MAP3K14: variants seen among roughly 807,000 people sequenced by gnomAD.
MAP3K14 encodes the protein mitogen-activated protein kinase kinase kinase 14.
In MAP3K14, 16 loss-of-function variants were observed where a neutral mutation model predicts 99.2. That is an observed-to-expected ratio of 0.16 (90% confidence interval 0.11 to 0.24). The LOEUF (loss-of-function observed/expected upper bound fraction) is 0.24. Among genes scored for constraint, MAP3K14 ranks in the 10% least tolerant of loss-of-function variants. The pLI is 1.00. For missense variants in MAP3K14, 784 were observed against 1,208.7 expected (o/e 0.65, Z 5.21); for synonymous variants, 462 against 492.4 (o/e 0.94, Z 0.82).
At position 45,286,416 on chromosome 17, in the gene MAP3K14, CG is replaced by C; in HGVS notation, c.1152+14del. The C allele has an allele frequency of 1.3e-6, 2 of 1,571,422 alleles. No individual in the cohort carries two copies. The highest frequency in any genetic ancestry group is 1.7e-6 in the Non-Finnish European group (2 of 1,155,274). Reference sequence around the variant, plus strand: ...CTGGTAGAGGGACATATACAGGTGCCGGGGGATTAGTTACCTCAGTGAGCAG... The same window carrying C: ...CTGGTAGAGGGACATATACAGGTGCCGGGGATTAGTTACCTCAGTGAGCAG... On this transcript the variant is annotated intron_variant, in intron 5 of 15. Coordinates refer to ENST00000344686, the MANE Select transcript of MAP3K14 (RefSeq NM_003954.5). This position sits in a 1 kb window ranked among gnomAD's most constrained non-coding sequence, Gnocchi z 4.1.
rs1299574252 is a variant in MAP3K14, at chr17:45,272,757, T to C, written c.1657+746A>G. 1.3e-5 allele frequency among the ~76,000 whole-genome samples: 2 copies of C among 152,142 alleles called. No homozygotes were observed. The highest frequency in any genetic ancestry group is 2.9e-5 in the Non-Finnish European group (2 of 68,030). Reference sequence around the variant, plus strand: ...GAGTTTGAGACTGGCCTGGCCAATATGGCAAAACCCCGTCCCTACTAAAAA... The same window carrying C: ...GAGTTTGAGACTGGCCTGGCCAATACGGCAAAACCCCGTCCCTACTAAAAA... On this transcript the variant is annotated intron_variant, in intron 9 of 15. Coordinates refer to ENST00000344686, the MANE Select transcript of MAP3K14 (RefSeq NM_003954.5). The surrounding 1 kb of genome is among the most constrained non-coding windows in gnomAD (Gnocchi z 4.1).
In MAP3K14 at chr17:45,286,623, G is replaced by A. The variant is rs374541871; in HGVS notation, c.960C>T (p.Pro320=). ...PKPLPGPHLE[P]SCLSRGAHEK... is the part of the protein sequence containing the mutation. ...CATGGGCACCACGAGACAGGCAGCT[G>A]GGCTCCAGGTGTGGGCCAGGCAGGG... Residue 320 remains proline (P), a synonymous_variant, in exon 5 of 16, where the codon CCC becomes CCT. Coordinates refer to ENST00000344686, the MANE Select transcript of MAP3K14 (RefSeq NM_003954.5). This position sits in a 1 kb window ranked among gnomAD's most constrained non-coding sequence, Gnocchi z 4.1. The A allele has an allele frequency of 3.7e-6, 6 of 1,610,914 alleles. No individual in the cohort carries two copies. Among genetic ancestry groups the A allele is most frequent in the South Asian group, 1.1e-5 (1 of 90,396 alleles).
intron 1 of MAP3K14, among the ~76,000 whole-genome samples, chr17:45,314,011 A>G (rs905622735): frequency 6.6e-6 from 1 of 152,180 alleles, no homozygotes; most frequent in Non-Finnish European, 1.5e-5. Context: ...ATGCCACATA[A>G]TTTCAAGGGA....
intron 1 of MAP3K14, among the ~76,000 whole-genome samples, chr17:45,292,346 C>T (rs1049007094): frequency 6.6e-6 from 1 of 152,202 alleles, no homozygotes; most frequent in Non-Finnish European, 1.5e-5. Context: ...AGAAGGATTA[C>T]TTGAGCCCAG....
intron 6 of MAP3K14, among the ~76,000 whole-genome samples, chr17:45,277,331 C>T (rs951853477): frequency 6.6e-6 from 1 of 152,136 alleles, no homozygotes; most frequent in African/African-American, 2.4e-5. Flanking sequence ...TGTCCTCCTT[C>T]CTAGCTGCTG....
rs28489998 is a variant in MAP3K14 at position 45,303,642 on chromosome 17, G to A, written c.-20-12877C>T. 2.3e-3 allele frequency among the ~76,000 whole-genome samples: 357 copies of A among 152,056 alleles called. 3 individuals are homozygous for A. Among genetic ancestry groups the A allele is most frequent in the African/African-American group, 8.1e-3 (337 of 41,460 alleles). Reference sequence around the variant, plus strand: ...AAATTGTATATAGAAAAAAAATCCCGGCACCGTCCCGTCCTCTCTGCAACA... The same window carrying A: ...AAATTGTATATAGAAAAAAAATCCCAGCACCGTCCCGTCCTCTCTGCAACA... On this transcript the variant is annotated intron_variant, in intron 1 of 15. Coordinates refer to ENST00000344686, the MANE Select transcript of MAP3K14 (RefSeq NM_003954.5).
chr17:45,274,208 C>T lies in MAP3K14; in HGVS notation c.1467G>A (p.Glu489=), dbSNP rs527820620. The T allele has an allele frequency of 1.9e-6, 3 of 1,598,488 alleles. No individual in the cohort carries two copies. The highest frequency in any genetic ancestry group is 2.3e-5 in the East Asian group (1 of 44,246). The change falls in exon 8 of 16, where the codon GAG becomes GAA. Residue 489 remains glutamate (E), a synonymous_variant. Coordinates refer to ENST00000344686, the MANE Select transcript of MAP3K14 (RefSeq NM_003954.5). ...GGCCCAGGTAGTACAGGGCCCGGTC[C>T]TCTGGGAGACAGCCCTGCTCCTTGA... is the stretch of plus-strand genomic sequence containing the variant. The part of the protein sequence containing the change: ...QLVKEQGCLP[E]DRALYYLGQA...
chr17:45,267,435 G>A lies in MAP3K14; in HGVS notation c.2297C>T (p.Pro766Leu), dbSNP rs747959258. ...PSSPERKATV[P>L]EQELQQLEIE... ...TTCCAGCTGCTGCAGTTCCTGCTCC[G>A]GGACGGTTGCTTTCCGCTCTGGTGA... is the stretch of plus-strand genomic sequence containing the variant. Residue 766 changes from proline to leucine, a missense_variant, in exon 12 of 16, where the codon CCG becomes CTG. Pro to Leu is a moderately conservative substitution (Grantham distance 98). Transcript: ENST00000344686. The surrounding 1 kb of genome is among the most constrained non-coding windows in gnomAD (Gnocchi z 5.1). 10 of 1,604,066 alleles carry A rather than the reference G, an allele frequency of 6.2e-6. No homozygotes were observed. The highest frequency in any genetic ancestry group is 5.1e-6 in the Non-Finnish European group (6 of 1,175,406).
chr17:45,302,976 C>T (rs558361910), intron 1 of MAP3K14, among the ~76,000 whole-genome samples: 1 of 152,370 alleles, frequency 6.6e-6, no homozygotes, highest in African/African-American at 2.4e-5. Flanking sequence ...TAGGAAGGTG[C>T]TCAGAAGATG....
intron 6 of MAP3K14, among the ~76,000 whole-genome samples, chr17:45,283,581 C>T (rs1340739442): frequency 1.3e-5 from 2 of 152,200 alleles, no homozygotes; most frequent in Non-Finnish European, 2.9e-5. Context: ...GTGGTGGCAG[C>T]GTCTGCTCTG....
intron 1 of MAP3K14, among the ~76,000 whole-genome samples, chr17:45,299,223 G>A (rs781581708): frequency 5.1e-4 from 78 of 152,182 alleles, no homozygotes; most frequent in South Asian, 8.3e-4. Context: ...GACTCTTGGG[G>A]GTAAAGTTCC....
rs1353006487 is a variant in MAP3K14, at chr17:45,272,326, T to C, written c.1658-1105A>G. Among the ~76,000 whole-genome samples, 2 of 151,720 alleles carry C rather than the reference T, an allele frequency of 1.3e-5. No homozygotes were observed. The highest frequency in any genetic ancestry group is 2.1e-4 in the South Asian group (1 of 4,778). ...GGGTGACAGAGCAAGACTCTGTCTC[T>C]AAAAAATAAAAGTTAAAAAGAATCA... is the stretch of plus-strand genomic sequence containing the variant. On this transcript the variant is annotated intron_variant, in intron 9 of 15. Transcript: ENST00000344686. The surrounding 1 kb of genome is among the most constrained non-coding windows in gnomAD (Gnocchi z 4.1).
intron 3 of MAP3K14, among the ~76,000 whole-genome samples, 176 bp downstream of exon 3, chr17:45,289,060 C>T (rs2044290389): frequency 6.6e-6 from 1 of 152,162 alleles, no homozygotes; most frequent in Admixed American, 6.5e-5. Flanking sequence ...CTTTGAAAAG[C>T]TTATTTGGCT....
At chr17:45,316,561 C>T (rs1433504056) in intron 1 of MAP3K14, among the ~76,000 whole-genome samples, 2 of 152,344 alleles carry the variant, frequency 1.3e-5, no homozygotes, top group East Asian at 3.9e-4. Context: ...TGCCAGGGCG[C>T]ACTCCTGCAG....
chr17:45,273,383 C>T (rs1281175980), intron 9 of MAP3K14, 120 bp downstream of exon 9: 11 of 702,812 alleles, frequency 1.6e-5, no homozygotes, highest in Middle Eastern at 3.8e-4. Flanking sequence ...AGGCTGGTTG[C>T]GGGGCTTAAA....
chr17:45,315,199 ATTTT>A (rs951514303), intron 1 of MAP3K14, among the ~76,000 whole-genome samples: 1 of 151,918 alleles, frequency 6.6e-6, no homozygotes, highest in African/African-American at 2.4e-5. Context: ...CCAACCAGAC[ATTTT>A]TGTTTAATAG....
At chr17:45,307,854 T>G (rs1165547494) in intron 1 of MAP3K14, among the ~76,000 whole-genome samples, 1 of 152,200 alleles carries the variant, frequency 6.6e-6, no homozygotes, top group African/African-American at 2.4e-5. Context: ...ACAGAAGGCT[T>G]CCAATGCATG....
In MAP3K14 at chr17:45,286,689, G is replaced by T. The variant is rs1293902945; in HGVS notation, c.894C>A (p.Asp298Glu). The change falls in exon 5 of 16, where the codon GAC becomes GAA. Residue 298 changes from aspartate (D) to glutamate (E), a missense_variant. Around this residue, in one of 5 missense-constraint regions of MAP3K14, gnomAD observed 138 missense variants for 164.1 expected, o/e 0.84. Transcript: ENST00000344686. The surrounding 1 kb of genome is among the most constrained non-coding windows in gnomAD (Gnocchi z 4.1). Reference sequence around the variant, plus strand: ...CACAGGCCAGTTTGCTCAGGTGTGGGTCAGGCAAGGGTTTCTGGCTGTCTA... The same window carrying T: ...CACAGGCCAGTTTGCTCAGGTGTGGTTCAGGCAAGGGTTTCTGGCTGTCTA... Reference protein sequence around the residue: ...ACVDSQKPLPDPHLSKLACVD... With the variant: ...ACVDSQKPLPEPHLSKLACVD... 1 of 1,609,954 alleles carries T rather than the reference G, an allele frequency of 6.2e-7. No homozygotes were observed. The highest frequency in any genetic ancestry group is 2.2e-5 in the East Asian group (1 of 44,826).
chr17:45,285,027 C>T (rs1402351973), intron 5 of MAP3K14, 78 bp from the exon 6 acceptor site: 1 of 1,470,596 alleles, frequency 6.8e-7, no homozygotes, highest in Admixed American at 2.1e-5. Flanking sequence ...GAGGAAGACT[C>T]TCCAGCTGGT....
Sources: gnomAD v4.1 joint callset for allele counts (sites outside exome capture counted in the v4.1 genomes callset) on GRCh38, gnomAD v4.1.1 for gene constraint, gnomAD v4.1.1 regional missense constraint, Gnocchi (gnomAD v3.1) non-coding constraint, MANE v1.5 for transcripts, NCBI Gene and HGNC (gene_info 2026-07-23, HGNC 2026-07-21) for gene names.